LRIG1: variants seen among roughly 807,000 people sequenced by gnomAD.
LRIG1 encodes the protein leucine-rich repeats and immunoglobulin-like domains protein 1.
In LRIG1, 48 loss-of-function variants were observed where a neutral mutation model predicts 99.2. The observed-to-expected ratio is 0.48, with a 90% CI of 0.38 to 0.62. The LOEUF (loss-of-function observed/expected upper bound fraction) is 0.62, where lower values mean the gene tolerates loss of function less well. Ranked by LOEUF, LRIG1 falls within the 20% of genes least tolerant of loss-of-function variation. The pLI is 0.00. For synonymous variants in LRIG1, 772 were observed against 596.1 expected, an observed-to-expected ratio of 1.29 and a Z score of -4.30; for missense variants, 1,646 against 1,434.4, an observed-to-expected ratio of 1.15 and a Z score of -2.38.
rs555992805 is a variant in LRIG1, at chr3:66,468,301, C to G, written c.219-5792G>C. 2.6e-5 allele frequency among the ~76,000 whole-genome samples: 4 copies of G among 152,328 alleles called. No homozygotes were observed. The South Asian group carries it at 8.3e-4, about 32-fold the overall frequency. On this transcript the variant is annotated intron_variant, in intron 1 of 18. Coordinates refer to ENST00000273261, the MANE Select transcript of LRIG1 (RefSeq NM_015541.3). ...CATCCCCAAAAGCAAGCATTGCTCA[C>G]AGACCACTGACGAACACAGACAAAA...
chr3:66,400,393 C>T (rs373686182), intron 9 of LRIG1, among the ~76,000 whole-genome samples: 9 of 152,318 alleles, frequency 5.9e-5, no homozygotes, highest in African/African-American at 1.9e-4. Context: ...CAGGGAACAA[C>T]CAAAGGCAGT....
In LRIG1 at chr3:66,380,583, C is replaced by T. The variant is rs1396857483; in HGVS notation, c.3049G>A (p.Gly1017Arg). The T allele has an allele frequency of 6.2e-7, 1 of 1,613,784 alleles. No individual in the cohort carries two copies. Residue 1017 changes from glycine (G) to arginine (R), a missense_variant, in exon 18 of 19, where the codon GGG (glycine) becomes AGG (arginine). Gly to Arg is a moderately radical substitution (Grantham distance 125). Coordinates refer to ENST00000273261, the MANE Select transcript of LRIG1 (RefSeq NM_015541.3). ...GAAGACAGTCAAAAGTTACCTTTCC[C>T]ATCTAGAGATGCCATTGGCTTTTTC... ...VKKKPMASLD[G>R]KGDSSWTLAR...
chr3:66,385,653 A>C (rs1489204232), intron 13 of LRIG1, among the ~76,000 whole-genome samples: 1 of 152,078 alleles, frequency 6.6e-6, no homozygotes, highest in Non-Finnish European at 1.5e-5. Context: ...GGGTTTCACT[A>C]TGTTGGCCAC....
chr3:66,384,063 C>A lies in LRIG1; in HGVS notation c.1999G>T (p.Ala667Ser). 1.2e-6 allele frequency: 2 copies of A among 1,614,096 alleles called. No homozygotes were observed. Among genetic ancestry groups the A allele is most frequent in the Non-Finnish European group, 1.7e-6 (2 of 1,180,034 alleles). Residue 667 changes from alanine (A) to serine (S), a missense_variant, in exon 14 of 19, where the codon GCA becomes TCA. Transcript: ENST00000273261. The part of the protein sequence containing the change: ...FFITDVKIDD[A>S]GVYSCTAQNS... ...TGAGCAGTACAGCTGTAAACCCCTGCGTCATCTATTTTCACATCAGTGATG... is the reference window on the plus strand; with the variant it reads ...TGAGCAGTACAGCTGTAAACCCCTGAGTCATCTATTTTCACATCAGTGATG...
intron 1 of LRIG1, among the ~76,000 whole-genome samples, chr3:66,492,526 C>T (rs1405851633): frequency 2.6e-5 from 4 of 152,118 alleles, no homozygotes; most frequent in Non-Finnish European, 5.9e-5. Flanking sequence ...TCATTTCCTT[C>T]ATTTTCTTCC....
chr3:66,395,213 G>A (rs1575656557), intron 11 of LRIG1, among the ~76,000 whole-genome samples: 1 of 152,172 alleles, frequency 6.6e-6, no homozygotes, highest in Admixed American at 6.5e-5. Flanking sequence ...CTGGTACATG[G>A]TGACAAACAG....
intron 14 of LRIG1, 48 bp downstream of exon 14, chr3:66,383,943 C>G (rs1321926351): frequency 3.2e-6 from 5 of 1,561,970 alleles, no homozygotes; most frequent in Non-Finnish European, 4.3e-6. Context: ...GTCTCTCTCT[C>G]TCGCTCACAC....
chr3:66,408,964 T>TGTGTGTGTGTGTGGGGGGG (rs1575668634), intron 7 of LRIG1, among the ~76,000 whole-genome samples: 1 of 17,312 alleles, frequency 5.8e-5, no homozygotes, highest in Non-Finnish European at 1.1e-4. Context: ...GTGTGTGTGG[T>TGTGTGTGTGTGTGGGGGGG]GGGGGGAGGG....
At chr3:66,446,727 C>G (rs906760928) in intron 3 of LRIG1, among the ~76,000 whole-genome samples, 1 of 151,950 alleles carries the variant, frequency 6.6e-6, no homozygotes, top group Non-Finnish European at 1.5e-5. Flanking sequence ...TTCATTTAAT[C>G]ACTTCTCTTC....
chr3:66,422,097 G>A (rs936696719), intron 3 of LRIG1, among the ~76,000 whole-genome samples: 24 of 152,212 alleles, frequency 1.6e-4, no homozygotes, highest in African/African-American at 4.8e-4. Context: ...CCTGCCCCAC[G>A]AAACCACTTT....
chr3:66,434,768 A>C lies in LRIG1; in HGVS notation c.365+16791T>G, dbSNP rs1034376341. On this transcript the variant is annotated intron_variant, in intron 3 of 18. Transcript: ENST00000273261. ...TCTCAAAAAAATTAAAAAAAAAAAAAAAAAAACACACCACCAAATGCTGGC... is the reference window on the plus strand; with the variant it reads ...TCTCAAAAAAATTAAAAAAAAAAAACAAAAAACACACCACCAAATGCTGGC... Among the ~76,000 whole-genome samples the C allele has an allele frequency of 4.6e-5, 7 of 151,646 alleles. No individual in the cohort carries two copies. The South Asian group carries it at 6.2e-4, about 14-fold the overall frequency.
intron 3 of LRIG1, among the ~76,000 whole-genome samples, chr3:66,428,953 G>A (rs549117593): frequency 1.3e-5 from 2 of 152,174 alleles, no homozygotes; most frequent in South Asian, 2.1e-4. Flanking sequence ...TGCAGATGAC[G>A]TTCCAGATCT....
intron 14 of LRIG1, 148 bp from the exon 15 acceptor site, chr3:66,383,549 T>G: frequency 1.3e-6 from 1 of 741,464 alleles, no homozygotes; most frequent in Non-Finnish European, 2.1e-6. Context: ...AGAAGACCCT[T>G]CAACTCATTG....
Position 66,381,535 on chromosome 3 carries a change from T to G in LRIG1, c.2714A>C (p.Lys905Thr), listed in dbSNP as rs530106266. 20 of 1,614,076 alleles carry G rather than the reference T, an allele frequency of 1.2e-5. No homozygotes were observed. Among genetic ancestry groups the G allele is most frequent in the African/African-American group, 9.3e-5 (7 of 75,028 alleles). ...PKLCAGSAYH[K>T]EPWKAMEKAE... ...TTTCTCCATCGCTTTCCACGGCTCT[T>G]TGTGATACGCAGACCCAGCACAGAG... Residue 905 changes from lysine (K) to threonine (T), a missense_variant, in exon 17 of 19, where the codon AAA becomes ACA. Coordinates refer to ENST00000273261, the MANE Select transcript of LRIG1 (RefSeq NM_015541.3).
At chr3:66,424,342 C>G (rs77817750) in intron 3 of LRIG1, among the ~76,000 whole-genome samples, 7,853 of 152,184 alleles carry the variant, frequency 0.052, 304 homozygotes, top group South Asian at 0.14. Flanking sequence ...CTAAGATACC[C>G]TCTCTAGGTC....
chr3:66,498,067 A>T (rs2106944056), intron 1 of LRIG1: 1 of 152,352 alleles, frequency 6.6e-6, no homozygotes, highest in East Asian at 1.9e-4. Flanking sequence ...ATTTGTCCTT[A>T]ATCAGAAATA....
chr3:66,430,005 T>C (rs1703114549), intron 3 of LRIG1, among the ~76,000 whole-genome samples: 1 of 152,246 alleles, frequency 6.6e-6, no homozygotes, highest in African/African-American at 2.4e-5. Flanking sequence ...ATTTTTAGTC[T>C]ATCGTATTGA....
intron 17 of LRIG1, 42 bp from the exon 18 acceptor site, chr3:66,380,903 G>C (rs1046845122): frequency 1.3e-6 from 2 of 1,595,712 alleles, no homozygotes; most frequent in Non-Finnish European, 1.7e-6. Context: ...CACTGCTGTG[G>C]GAGTCTTCGT....
chr3:66,493,807 G>C (rs1408150992), intron 1 of LRIG1, among the ~76,000 whole-genome samples: 1 of 89,732 alleles, frequency 1.1e-5, no homozygotes, highest in Non-Finnish European at 2.2e-5. Context: ...AGAAAGAAAA[G>C]AAAGAAAGAA....
Sources: gnomAD v4.1 joint callset for allele counts (sites outside exome capture counted in the v4.1 genomes callset) on GRCh38, gnomAD v4.1.1 for gene constraint, MANE v1.5 for transcripts, NCBI Gene and HGNC (gene_info 2026-07-23, HGNC 2026-07-21) for gene names.